ZNF814: variants seen among roughly 807,000 people sequenced by gnomAD.
ZNF814 encodes the protein zinc finger protein 814.
Under a neutral mutation model 7.5 loss-of-function variants are expected in ZNF814, and 5 were observed. The ratio of observed to expected loss-of-function variants is 0.67; its 90% CI spans 0.35 to 1.40. ZNF814 has a LOEUF of 1.40. ZNF814 is among the 40% of genes most tolerant of loss of function. The probability of loss-of-function intolerance (pLI) is 0.04; values close to 1 mark genes in which losing one functional copy is unlikely to be tolerated. For missense variants in ZNF814, 962 were observed against 1,018.0 expected, an observed-to-expected ratio of 0.94 and a Z score of 0.75; for synonymous variants, 315 against 340.7, an observed-to-expected ratio of 0.92 and a Z score of 0.83.
chr19:57,876,482 G>A (rs1477053355), intron 2 of ZNF814: 2 of 212,462 alleles, frequency 9.4e-6, no homozygotes, highest in African/African-American at 4.6e-5. Flanking sequence ...AAAAAACTGA[G>A]TATTTCAAGG....
the ZNF814 span, among the ~76,000 whole-genome samples, chr19:57,895,654 T>C: frequency 6.6e-6 from 1 of 152,146 alleles, no homozygotes; most frequent in African/African-American, 2.4e-5. Context: ...GCTGGGCCTC[T>C]AACCCAATCT....
chr19:57,888,823 A>G lies in ZNF814; in HGVS notation c.-21T>C, dbSNP rs1568522508. On this transcript the variant is annotated 5_prime_UTR_variant, in exon 1 of 3. Coordinates refer to ENST00000435989, the MANE Select transcript of ZNF814 (RefSeq NM_001144989.2). The stretch of plus-strand genomic sequence containing the variant: ...GCCATCGAACCACGTGGTTTTAAGC[A>G]GAGTCGGGAGGATAGGGCGACCAGC... 1 of 1,551,668 alleles carries G rather than the reference A, an allele frequency of 6.4e-7. No individual in the cohort carries two copies. The highest frequency in any genetic ancestry group is 8.7e-7 in the Non-Finnish European group (1 of 1,146,998).
At position 57,872,979 on chromosome 19, in the gene ZNF814, T is replaced by A. The variant is rs1219748946; in HGVS notation, c.2411A>T (p.Glu804Val). The change falls in exon 3 of 3, where the codon GAA (glutamate) becomes GTA (valine). Residue 804 changes from glutamate (E) to valine (V), a missense_variant. Physicochemically the swap from Glu to Val is moderately radical, Grantham distance 121. Transcript: ENST00000435989. ...GCTTTCAGCAAAAGATTTTCCACAT[T>A]CACTGCACTCATAAGGCTTTTCTCC... ...HTGEKPYECS[E>V]CGKSFAESSS... is the part of the protein sequence containing the mutation. 2.5e-6 allele frequency: 4 copies of A among 1,613,992 alleles called. No individual in the cohort carries two copies. The highest frequency in any genetic ancestry group is 3.4e-6 in the Non-Finnish European group (4 of 1,179,904).
upstream of ZNF814, among the ~76,000 whole-genome samples, chr19:57,892,997 C>A (rs1048411953): frequency 7.2e-5 from 11 of 152,174 alleles, no homozygotes; most frequent in South Asian, 1.9e-3. Flanking sequence ...TTTTGTCACA[C>A]GTATTTTGCT....
In ZNF814 at chr19:57,873,053, T is replaced by C. The variant is rs773622483; in HGVS notation, c.2337A>G (p.Lys779=). The change falls in exon 3 of 3, where the codon AAA becomes AAG. Residue 779 remains lysine, a synonymous_variant. Transcript: ENST00000435989. The part of the protein sequence containing the change: ...EKPYECSECG[K]SFAESSSFTK... ...TGAAACTGGAGCTTTCAGCGAAAGA[T>C]TTTCCACATTCACTGCACTCATAAG... 6.2e-6 allele frequency: 10 copies of C among 1,613,840 alleles called. No homozygotes were observed. Among genetic ancestry groups the C allele is most frequent in the Non-Finnish European group, 6.8e-6 (8 of 1,179,954 alleles).
At chr19:57,887,681 C>T (rs1214273840) in intron 1 of ZNF814, among the ~76,000 whole-genome samples, 1 of 152,268 alleles carries the variant, frequency 6.6e-6, no homozygotes, top group African/African-American at 2.4e-5. Context: ...TTACCCACCC[C>T]CCTTTCCTCA....
In ZNF814 at chr19:57,886,703, A is replaced by G. The variant is rs1600140676; in HGVS notation, c.36+2064T>C. Among the ~76,000 whole-genome samples, 3 of 151,956 alleles carry G rather than the reference A, an allele frequency of 2.0e-5. No individual in the cohort carries two copies. The South Asian group carries it at 6.2e-4, about 32-fold the overall frequency. On this transcript the variant is annotated intron_variant, in intron 1 of 2. Transcript: ENST00000435989. ...AAAGCAGCCTAGGCAACATGGCGAA[A>G]CCCCATCTCTACTAAAAATACAAAA...
upstream of ZNF814, among the ~76,000 whole-genome samples, chr19:57,889,330 G>T (rs2071719650): frequency 6.6e-6 from 1 of 152,100 alleles, no homozygotes; most frequent in Non-Finnish European, 1.5e-5. Context: ...GATCATTTGA[G>T]GTCAGGAGTT....
intron 1 of ZNF814, among the ~76,000 whole-genome samples, chr19:57,884,411 A>G (rs2122460020): frequency 6.6e-6 from 1 of 152,284 alleles, no homozygotes; most frequent in South Asian, 2.1e-4. Context: ...CTAGGAGTTT[A>G]TAACCACCCT....
chr19:57,876,096 T>C (rs2071605515), intron 2 of ZNF814, among the ~76,000 whole-genome samples: 1 of 151,764 alleles, frequency 6.6e-6, no homozygotes, highest in Non-Finnish European at 1.5e-5. Context: ...GTCACTGGGA[T>C]TACAGGCATG....
chr19:57,873,260 G>C lies in ZNF814; in HGVS notation c.2130C>G (p.His710Gln). The change falls in exon 3 of 3, where the codon CAC becomes CAG. Residue 710 changes from histidine (H) to glutamine (Q), a missense_variant. His to Gln is a conservative substitution (Grantham distance 24, BLOSUM62 0). Around this residue, in one of 7 missense-constraint regions of ZNF814, gnomAD observed 665 missense variants for 551.4 expected, o/e 1.21. Coordinates refer to ENST00000435989, the MANE Select transcript of ZNF814 (RefSeq NM_001144989.2). Reference sequence around the variant, plus strand: ...CACAAGCATATGGCTTTTCTCCATTGTGAATTCTCTGGTGTACAAGGAGGT... The same window carrying C: ...CACAAGCATATGGCTTTTCTCCATTCTGAATTCTCTGGTGTACAAGGAGGT... ...KSHLLVHQRI[H>Q]NGEKPYACEA... 3 of 1,602,322 alleles carry C rather than the reference G, an allele frequency of 1.9e-6. No individual in the cohort carries two copies. The highest frequency in any genetic ancestry group is 2.6e-6 in the Non-Finnish European group (3 of 1,174,066).
In ZNF814 at chr19:57,874,950, G is replaced by A. The variant is rs961500414; in HGVS notation, c.440C>T (p.Pro147Leu). The change falls in exon 3 of 3, where the codon CCC becomes CTC. Residue 147 changes from proline (P) to leucine (L), a missense_variant. Coordinates refer to ENST00000435989, the MANE Select transcript of ZNF814 (RefSeq NM_001144989.2). ...CGCCTCCTCAACACTCCCTCTGTAG[G>A]GTTTCTCTCCAATGTGCTCATTCTG... ...QHQNEHIGEK[P>L]YRGSVEEALF... 10 of 1,612,648 alleles carry A rather than the reference G, an allele frequency of 6.2e-6. No homozygotes were observed. In the Admixed American group the frequency reaches 1.5e-4, roughly 24 times the overall value.
At position 57,876,931 on chromosome 19, in the gene ZNF814, G is replaced by C. The variant is rs756567411; in HGVS notation, c.148C>G (p.Leu50Val). 1 of 1,614,160 alleles carries C rather than the reference G, an allele frequency of 6.2e-7. No individual in the cohort carries two copies. The highest frequency in any genetic ancestry group is 8.5e-7 in the Non-Finnish European group (1 of 1,180,010). Reference sequence around the variant, plus strand: ...AGCAACTTACCCAGGGAGGATATAAGTGCCAGGTTCTCCAGCGTCACATCA... The same window carrying C: ...AGCAACTTACCCAGGGAGGATATAACTGCCAGGTTCTCCAGCGTCACATCA... The part of the protein sequence containing the change: ...YRDVTLENLA[L>V]ISSLGCWCGV... Residue 50 changes from leucine to valine, a missense_variant, in exon 2 of 3, where the codon CTT (leucine) becomes GTT (valine). Physicochemically the swap from Leu to Val is conservative, Grantham distance 32 (BLOSUM62 1). Transcript: ENST00000435989.
chr19:57,898,000 T>C, the ZNF814 span, among the ~76,000 whole-genome samples: 26 of 152,312 alleles, frequency 1.7e-4, no homozygotes, highest in South Asian at 2.1e-3. Context: ...ATTTGGTTAA[T>C]TGAATGTCTG....
the ZNF814 span, among the ~76,000 whole-genome samples, chr19:57,894,204 C>T: frequency 6.6e-6 from 1 of 151,268 alleles, no homozygotes; most frequent in East Asian, 2.0e-4. Context: ...GAAACCCCGT[C>T]TCTACTAAAA....
At chr19:57,878,453 T>C (rs1371225096) in intron 1 of ZNF814, among the ~76,000 whole-genome samples, 1 of 151,048 alleles carries the variant, frequency 6.6e-6, no homozygotes, top group African/African-American at 2.4e-5. Context: ...GAGGCTAGGA[T>C]ACATTACCTT....
At chr19:57,884,776 G>C (rs1478680637) in intron 1 of ZNF814, among the ~76,000 whole-genome samples, 1 of 152,110 alleles carries the variant, frequency 6.6e-6, no homozygotes, top group Non-Finnish European at 1.5e-5. Context: ...GTGAGGATGT[G>C]AAGAAAAAGG....
In ZNF814 at chr19:57,878,947, GA is replaced by G. The variant is rs113958202; in HGVS notation, c.37-1906del. ...CGCACACATACACATGCACACAAGGGAAAAAAATTTAAAATATATAAAAAGA... is the reference window on the plus strand; with the variant it reads ...CGCACACATACACATGCACACAAGGGAAAAAATTTAAAATATATAAAAAGA... On this transcript the variant is annotated intron_variant, in intron 1 of 2. Transcript: ENST00000435989. Among the ~76,000 whole-genome samples the G allele has an allele frequency of 4.4e-3, 674 of 151,624 alleles. 5 individuals carry two copies. Among genetic ancestry groups the G allele is most frequent in the African/African-American group, 0.015 (620 of 41,368 alleles).
At position 57,873,939 on chromosome 19, in the gene ZNF814, C is replaced by T. The variant is rs1457262066; in HGVS notation, c.1451G>A (p.Arg484Gln). 2.6e-5 allele frequency: 42 copies of T among 1,613,858 alleles called. No homozygotes were observed. Among genetic ancestry groups the T allele is most frequent in the Non-Finnish European group, 3.2e-5 (38 of 1,179,940 alleles). Residue 484 changes from arginine to glutamine, a missense_variant, in exon 3 of 3, where the codon CGA (arginine) becomes CAA (glutamine). By Grantham distance (43) the Arg-to-Gln change is conservative. Around this residue, in one of 7 missense-constraint regions of ZNF814, gnomAD observed 665 missense variants for 551.4 expected, o/e 1.21. Transcript: ENST00000435989. ...SHKRSLVHHQ[R>Q]VHSGERPYQC... ...ATAAGGTCTTTCTCCACTGTGAACT[C>T]GCTGATGGTGAACAAGGCTGCGCTT...
Sources: gnomAD v4.1 joint callset for allele counts (sites outside exome capture counted in the v4.1 genomes callset) on GRCh38, gnomAD v4.1.1 for gene constraint, gnomAD v4.1.1 regional missense constraint, MANE v1.5 for transcripts, NCBI Gene and HGNC (gene_info 2026-07-23, HGNC 2026-07-21) for gene names.